Variants in RBM6 observed in about 807,000 individuals in gnomAD.
RBM6 encodes the protein RNA-binding protein 6.
Under a neutral mutation model 140.4 loss-of-function variants are expected in RBM6, and 23 were observed. The ratio of observed to expected loss-of-function variants is 0.16; its 90% confidence interval spans 0.12 to 0.23. RBM6 has a LOEUF of 0.23. Among genes scored for constraint, RBM6 ranks in the 10% least tolerant of loss-of-function variants. The probability of loss-of-function intolerance (pLI) is 1.00; values close to 1 mark genes in which losing one functional copy is unlikely to be tolerated. For synonymous variants in RBM6, 439 were observed against 475.6 expected (o/e 0.92, Z 1.00); for missense variants, 1,139 against 1,386.7 (o/e 0.82, Z 2.84).
chr3:49,965,691 A>G (rs2084481618), intron 2 of RBM6, among the ~76,000 whole-genome samples: 1 of 150,566 alleles, frequency 6.6e-6, no homozygotes, highest in Non-Finnish European at 1.5e-5. Flanking sequence ...AAAGAAGAAC[A>G]TCTAAACTTG....
intron 15 of RBM6, among the ~76,000 whole-genome samples, chr3:50,063,315 C>A (rs560900884): frequency 6.6e-6 from 1 of 152,158 alleles, no homozygotes; most frequent in East Asian, 1.9e-4. Flanking sequence ...AATACAAAAT[C>A]AAATTATTAG....
intron 6 of RBM6, among the ~76,000 whole-genome samples, chr3:50,023,206 C>G (rs1054011692): frequency 6.6e-6 from 1 of 151,952 alleles, no homozygotes; most frequent in Non-Finnish European, 1.5e-5. Flanking sequence ...CTTCCTCCTC[C>G]TTCTCCTCCT....
chr3:50,007,177 T>C (rs1285079646), intron 6 of RBM6, among the ~76,000 whole-genome samples: 2 of 151,178 alleles, frequency 1.3e-5, no homozygotes, highest in Non-Finnish European at 2.9e-5. Flanking sequence ...CCTTCCAGCT[T>C]CCCTAGTTGG....
intron 1 of RBM6, among the ~76,000 whole-genome samples, chr3:49,948,815 T>C (rs1234234555): frequency 6.8e-6 from 1 of 147,170 alleles, no homozygotes; most frequent in Non-Finnish European, 1.5e-5. Flanking sequence ...AGTGAGACTA[T>C]TTACATACCC....
intron 6 of RBM6, among the ~76,000 whole-genome samples, chr3:50,008,546 C>CTTTTTTTTT (rs5848909): frequency 1.4e-5 from 1 of 73,694 alleles, no homozygotes; most frequent in Non-Finnish European, 2.4e-5. Context: ...TCTTTTGTAA[C>CTTTTTTTTT]TTTTTTTTTT....
chr3:50,057,555 T>C (rs975286582), intron 8 of RBM6, among the ~76,000 whole-genome samples, 173 bp from the exon 9 acceptor site: 10 of 123,820 alleles, frequency 8.1e-5, no homozygotes, highest in Non-Finnish European at 3.1e-5. Flanking sequence ...GCCATTGCAC[T>C]TCAGCTGGGC....
intron 11 of RBM6, among the ~76,000 whole-genome samples, chr3:50,060,615 G>A (rs995863008): frequency 4.6e-5 from 7 of 151,752 alleles, no homozygotes; most frequent in South Asian, 2.1e-4. Context: ...TTAGCTGGGC[G>A]TGGTGGTGGG....
At chr3:50,063,578 C>T (rs939285700) in intron 15 of RBM6, among the ~76,000 whole-genome samples, 53 of 142,726 alleles carry the variant, frequency 3.7e-4, no homozygotes, top group African/African-American at 1.4e-3. Flanking sequence ...GCATGGACAA[C>T]AGAGCCAGAC....
At chr3:49,992,861 T>C (rs2085889925) in intron 5 of RBM6, among the ~76,000 whole-genome samples, 1 of 152,238 alleles carries the variant, frequency 6.6e-6, no homozygotes, top group Non-Finnish European at 1.5e-5. Context: ...CTGTCATGCC[T>C]GCACCATCTT....
At chr3:49,941,993 CA>C (rs1391772733) in intron 1 of RBM6, among the ~76,000 whole-genome samples, 1 of 150,526 alleles carries the variant, frequency 6.6e-6, no homozygotes, top group Middle Eastern at 3.4e-3. Flanking sequence ...CCTAACTACT[CA>C]GGAGGCTGAG....
intron 5 of RBM6, among the ~76,000 whole-genome samples, chr3:49,981,152 T>G (rs11130233): frequency 0.48 from 72,509 of 151,884 alleles, 18,011 homozygotes; most frequent in African/African-American, 0.53. Flanking sequence ...CGTCCACCTC[T>G]GCCTCCCAAA....
At chr3:49,944,884 T>A (rs200750935) in intron 1 of RBM6, among the ~76,000 whole-genome samples, 75 of 108,374 alleles carry the variant, frequency 6.9e-4, no homozygotes, top group Middle Eastern at 9.5e-3. Context: ...TTTTTTTAAA[T>A]TTTTTTTTTT....
At chr3:49,994,669 GGTGTGTGTGT>G (rs59949998) in intron 5 of RBM6, among the ~76,000 whole-genome samples, 2 of 148,164 alleles carry the variant, frequency 1.3e-5, no homozygotes, top group South Asian at 4.3e-4. Context: ...AAGGCTGTGG[GGTGTGTGTGT>G]GTGTGTGTGT....
chr3:50,063,172 C>CA (rs2090004461), intron 15 of RBM6, among the ~76,000 whole-genome samples: 1 of 152,108 alleles, frequency 6.6e-6, no homozygotes, highest in Non-Finnish European at 1.5e-5. Flanking sequence ...CAGTTACAGG[C>CA]AAGACCCACC....
At chr3:50,035,306 G>C (rs1040426394) in intron 6 of RBM6, among the ~76,000 whole-genome samples, 8 of 152,040 alleles carry the variant, frequency 5.3e-5, no homozygotes, top group African/African-American at 1.7e-4. Flanking sequence ...AAAGACAAGT[G>C]CACCAACACA....
intron 6 of RBM6, among the ~76,000 whole-genome samples, chr3:50,017,909 G>C (rs938301166): frequency 2.6e-5 from 4 of 152,100 alleles, no homozygotes; most frequent in Admixed American, 6.6e-5. Flanking sequence ...TACAATTTCT[G>C]TTCTTACATG....
intron 6 of RBM6, among the ~76,000 whole-genome samples, chr3:50,003,308 TAAAAAAAA>T (rs61492386): frequency 2.7e-5 from 3 of 112,784 alleles, no homozygotes; most frequent in African/African-American, 1.0e-4. Context: ...TGTCTAAATT[TAAAAAAAA>T]AAAAAAAAAA....
chr3:50,019,969 A>G (rs2087394666), intron 6 of RBM6, among the ~76,000 whole-genome samples: 1 of 150,992 alleles, frequency 6.6e-6, no homozygotes, highest in African/African-American at 2.4e-5. Flanking sequence ...CCCAGGCTAG[A>G]GTGCAGTGGC....
chr3:49,963,795 CT>C (rs2084389499), intron 2 of RBM6, among the ~76,000 whole-genome samples: 1 of 152,032 alleles, frequency 6.6e-6, no homozygotes, highest in African/African-American at 2.4e-5. Flanking sequence ...ATGAATGTGA[CT>C]TTTTTGGTTT....
Sources: gnomAD v4.1 joint callset for allele counts (sites outside exome capture counted in the v4.1 genomes callset) on GRCh38, gnomAD v4.1.1 for gene constraint, MANE v1.5 for transcripts, NCBI Gene and HGNC (gene_info 2026-07-23, HGNC 2026-07-21) for gene names.